Variants in MACROD2 observed in about 807,000 individuals in gnomAD.
MACROD2 encodes the protein mono-ADP ribosylhydrolase 2.
MACROD2 carries 36 observed loss-of-function variants against 70.4 expected under a neutral mutation model. The observed-to-expected ratio is 0.51, with a 90% CI of 0.39 to 0.68. MACROD2 has a LOEUF of 0.68. Ranked by LOEUF, MACROD2 falls within the 30% of genes least tolerant of loss-of-function variation. The pLI is 0.00. For missense variants in MACROD2, 496 were observed against 538.4 expected (o/e 0.92, Z 0.78); for synonymous variants, 172 against 178.8 (o/e 0.96, Z 0.30).
intron 8 of MACROD2, among the ~76,000 whole-genome samples, chr20:15,776,389 G>T (rs572997949): frequency 1.6e-4 from 25 of 152,174 alleles, no homozygotes; most frequent in Admixed American, 5.2e-4. Flanking sequence ...GTGTTTTCTG[G>T]GAGGCTTCTC....
rs1406742629 is a variant in MACROD2, at chr20:15,088,426, T to A, written c.419-141514T>A. Among the ~76,000 whole-genome samples, 118 of 36,668 alleles carry A rather than the reference T, an allele frequency of 3.2e-3. 2 individuals are homozygous for A. Among genetic ancestry groups the A allele is most frequent in the African/African-American group, 7.3e-3 (102 of 13,928 alleles). The allele number at this position is 36,668 out of a possible 152,430, so 24.1% of individuals were successfully genotyped here. On this transcript the variant is annotated intron_variant, in intron 5 of 17. Transcript: ENST00000684519. ...ATATATATATATATATATATATATA[T>A]ATATATATATATATATATATATATA...
At chr20:14,915,514 C>T (rs1287695449) in intron 5 of MACROD2, among the ~76,000 whole-genome samples, 1 of 152,118 alleles carries the variant, frequency 6.6e-6, no homozygotes, top group East Asian at 1.9e-4. Context: ...TTTCGTGGTC[C>T]TGTTGCTCCT....
intron 8 of MACROD2, among the ~76,000 whole-genome samples, chr20:15,721,793 G>C (rs2050790915): frequency 6.6e-6 from 1 of 152,056 alleles, no homozygotes. Flanking sequence ...ATAGTTTACA[G>C]AATAATTATC....
At chr20:15,098,979 G>A (rs936399374) in intron 5 of MACROD2, among the ~76,000 whole-genome samples, 1 of 152,224 alleles carries the variant, frequency 6.6e-6, no homozygotes, top group Non-Finnish European at 1.5e-5. Context: ...TTTGCCAGCA[G>A]TAAGCCTATG....
chr20:14,373,351 C>T (rs1056648883), intron 3 of MACROD2, among the ~76,000 whole-genome samples: 1 of 151,986 alleles, frequency 6.6e-6, no homozygotes, highest in Non-Finnish European at 1.5e-5. Context: ...ATTATGACAA[C>T]ATCAAGAGGT....
At chr20:14,106,837 T>G (rs1269236553) in intron 3 of MACROD2, among the ~76,000 whole-genome samples, 1 of 152,206 alleles carries the variant, frequency 6.6e-6, no homozygotes, top group Non-Finnish European at 1.5e-5. Flanking sequence ...ACCAAGGTGG[T>G]ACCTTTATGA....
chr20:15,858,506 A>G (rs537720191), intron 8 of MACROD2, among the ~76,000 whole-genome samples: 1 of 152,350 alleles, frequency 6.6e-6, no homozygotes, highest in African/African-American at 2.4e-5. Flanking sequence ...GTCAAGTACT[A>G]CATAGCTGGA....
intron 15 of MACROD2, among the ~76,000 whole-genome samples, chr20:16,013,203 A>G (rs1017497957): frequency 6.6e-6 from 1 of 152,132 alleles, no homozygotes; most frequent in African/African-American, 2.4e-5. Flanking sequence ...CTAGAAAGTT[A>G]CGTTAGTTAT....
At chr20:14,673,456 A>C (rs1381391064) in intron 4 of MACROD2, among the ~76,000 whole-genome samples, 2 of 152,110 alleles carry the variant, frequency 1.3e-5, no homozygotes, top group African/African-American at 4.8e-5. Context: ...GGAGAGACTG[A>C]TTTTACAGAT....
intron 3 of MACROD2, among the ~76,000 whole-genome samples, chr20:14,409,984 T>C (rs2083732618): frequency 6.6e-6 from 1 of 152,158 alleles, no homozygotes; most frequent in Admixed American, 6.6e-5. Context: ...AAGTACCTTC[T>C]ACTCTTTCTT....
rs1336173419 is a variant in MACROD2 at position 15,237,450 on chromosome 20, G to T, written c.540+7389G>T. Among the ~76,000 whole-genome samples, 4 of 152,114 alleles carry T rather than the reference G, an allele frequency of 2.6e-5. No homozygotes were observed. The East Asian group carries it at 7.7e-4, about 29-fold the overall frequency. ...CCCTTGTCTTTACATGTTGAAAATA[G>T]AATTTTACTATAAATACTTTCATTT... On this transcript the variant is annotated intron_variant, in intron 6 of 17. Coordinates refer to ENST00000684519, the MANE Select transcript of MACROD2 (RefSeq NM_001351661.2).
At chr20:14,987,580 G>A (rs529187520) in intron 5 of MACROD2, among the ~76,000 whole-genome samples, 34 of 152,288 alleles carry the variant, frequency 2.2e-4, no homozygotes, top group African/African-American at 6.5e-4. Context: ...ACTGAGCGGA[G>A]TAGATCCTGT....
intron 4 of MACROD2, among the ~76,000 whole-genome samples, chr20:14,595,794 T>C (rs186168972): frequency 2.6e-5 from 4 of 152,320 alleles, no homozygotes; most frequent in Admixed American, 2.6e-4. Context: ...TACTGTTCTG[T>C]TGAAAGACAT....
intron 3 of MACROD2, among the ~76,000 whole-genome samples, chr20:14,176,631 A>T (rs8126084): frequency 0.036 from 5,447 of 152,256 alleles, 160 homozygotes; most frequent in East Asian, 0.14. Flanking sequence ...GTTCTATAGC[A>T]TTCAGTTTTT....
Position 15,215,224 on chromosome 20 carries a change from AT to A in MACROD2, c.419-14708del, listed in dbSNP as rs533005599. ...GTTCAAAGTCATGAAAATATTGAAT[AT>A]TTTTTTTCTCCTTTTTCTCCTGTAT... On this transcript the variant is annotated intron_variant, in intron 5 of 17. Transcript: ENST00000684519. Among the ~76,000 whole-genome samples, 859 of 143,956 alleles carry A rather than the reference AT, an allele frequency of 6.0e-3. 9 individuals are homozygous for A. Among genetic ancestry groups the A allele is most frequent in the African/African-American group, 0.02 (783 of 38,452 alleles). The allele number at this position is 143,956 out of a possible 152,430, so 94.4% of individuals were successfully genotyped here.
At chr20:15,460,343 T>G (rs2046790641) in intron 7 of MACROD2, among the ~76,000 whole-genome samples, 1 of 152,144 alleles carries the variant, frequency 6.6e-6, no homozygotes, top group Non-Finnish European at 1.5e-5. Context: ...TGGTTCCAGA[T>G]TCCACCCTCC....
intron 2 of MACROD2, among the ~76,000 whole-genome samples, chr20:14,022,874 G>T (rs769377808): frequency 7.2e-5 from 11 of 151,912 alleles, no homozygotes; most frequent in Non-Finnish European, 1.6e-4. Flanking sequence ...TTCCAATATT[G>T]TGACTAGTGC....
chr20:14,346,576 T>A (rs915002757), intron 3 of MACROD2, among the ~76,000 whole-genome samples: 4 of 152,364 alleles, frequency 2.6e-5, no homozygotes, highest in Non-Finnish European at 4.4e-5. Flanking sequence ...TACAGTTTTT[T>A]AAAACACTTT....
chr20:15,414,627 G>A (rs1403876535), intron 6 of MACROD2, among the ~76,000 whole-genome samples: 1 of 152,156 alleles, frequency 6.6e-6, no homozygotes, highest in African/African-American at 2.4e-5. Flanking sequence ...TAGAGCACAC[G>A]CTTCATCATC....
Sources: gnomAD v4.1 joint callset for allele counts (sites outside exome capture counted in the v4.1 genomes callset) on GRCh38, gnomAD v4.1.1 for gene constraint, MANE v1.5 for transcripts, NCBI Gene and HGNC (gene_info 2026-07-23, HGNC 2026-07-21) for gene names.